Variants in DOK7 observed in about 807,000 individuals in gnomAD.
DOK7 encodes the protein protein Dok-7.
DOK7 carries 32 observed loss-of-function variants against 30.7 expected under a neutral mutation model. That is an observed-to-expected ratio of 1.04 (90% CI 0.79 to 1.40). DOK7 has a LOEUF of 1.40. DOK7 is among the 40% of genes most tolerant of loss of function. The pLI is 0.00. For missense variants in DOK7, 1,007 were observed against 699.2 expected, an observed-to-expected ratio of 1.44 and a Z score of -4.97; for synonymous variants, 447 against 324.1, an observed-to-expected ratio of 1.38 and a Z score of -4.07.
In DOK7 at chr4:3,493,400, G is replaced by A. The variant is rs1442193791; in HGVS notation, c.1414G>A (p.Gly472Ser). ...SEATLPGPAP[G>S]EPWEAGGPHA... ...GGCCACACTGCCTGGCCCTGCCCCT[G>A]GCGAGCCCTGGGAAGCAGGCGGCCC... is the stretch of plus-strand genomic sequence containing the variant. The change falls in exon 7 of 7, where the codon GGC (glycine) becomes AGC (serine). Residue 472 changes from glycine (G) to serine (S), a missense_variant. Transcript: ENST00000340083. 3 of 1,595,478 alleles carry A rather than the reference G, an allele frequency of 1.9e-6. No homozygotes were observed. Among genetic ancestry groups the A allele is most frequent in the Non-Finnish European group, 2.6e-6 (3 of 1,171,462 alleles).
chr4:3,490,309 CG>C (rs71636721), intron 6 of DOK7, among the ~76,000 whole-genome samples: 5 of 100,350 alleles, frequency 5.0e-5, no homozygotes, highest in African/African-American at 1.4e-4. Flanking sequence ...TCCGCCCCCC[CG>C]GCTCATTCTT....
intron 2 of DOK7, among the ~76,000 whole-genome samples, chr4:3,470,515 C>G (rs919861724): frequency 6.6e-6 from 1 of 152,128 alleles, no homozygotes; most frequent in Non-Finnish European, 1.5e-5. Flanking sequence ...GTCTGAGGGT[C>G]GAGCGTGGGT....
intron 4 of DOK7, among the ~76,000 whole-genome samples, chr4:3,476,905 G>A (rs1047853645): frequency 2.6e-5 from 4 of 152,252 alleles, no homozygotes; most frequent in South Asian, 2.1e-4. Flanking sequence ...GTGAGCTCCC[G>A]CATAAGCACC....
At position 3,493,250 on chromosome 4, in the gene DOK7, T is replaced by C. The variant is rs750548816; in HGVS notation, c.1264T>C (p.Ser422Pro). The change falls in exon 7 of 7, where the codon TCA becomes CCA. Residue 422 changes from serine to proline, a missense_variant. Physicochemically the swap from Ser to Pro is moderately conservative, Grantham distance 74. Transcript: ENST00000340083. ...GGCTCCTAGAGACCACAGCCCCCCC[T>C]CACAGGGCAGCCCCGGCAACAGTGC... ...CLAPRDHSPP[S>P]QGSPGNSAAR... is the part of the protein sequence containing the mutation. 1.2e-6 allele frequency: 2 copies of C among 1,611,732 alleles called. No individual in the cohort carries two copies. Among genetic ancestry groups the C allele is most frequent in the Non-Finnish European group, 1.7e-6 (2 of 1,179,588 alleles).
At position 3,489,958 on chromosome 4, in the gene DOK7, G is replaced by A. The variant is rs573370239; in HGVS notation, c.772+162G>A. The stretch of plus-strand genomic sequence containing the variant: ...CATTCTTCCCCCAACTCCCCGCCCC[G>A]CCCGCTACTCATTCATCCTTCCTTC... On this transcript the variant is annotated intron_variant, in intron 6 of 6. Transcript: ENST00000340083. Among the ~76,000 whole-genome samples, 81 of 57,054 alleles carry A rather than the reference G, an allele frequency of 1.4e-3. 1 individual carries two copies. The highest frequency in any genetic ancestry group is 2.7e-3 in the Admixed American group (19 of 7,056). 37.4% of individuals were successfully genotyped at this position (57,054 alleles called of 152,430 possible).
In DOK7 at chr4:3,485,662, C is replaced by T. The variant is rs374675986; in HGVS notation, c.652+4C>T. 1.2e-5 allele frequency: 19 copies of T among 1,569,308 alleles called. No individual in the cohort carries two copies. The highest frequency in any genetic ancestry group is 4.7e-5 in the South Asian group (4 of 85,154). ...GGGCTGCGGCCGGTTCTACCAGGTG[C>T]GTGTGGGAGCCTGGCCGGCCGGGGA... On this transcript the variant is annotated splice_donor_region_variant and intron_variant, in intron 5 of 6. Transcript: ENST00000340083.
At chr4:3,494,525 G>C, downstream of DOK7, 2 of 985,558 alleles carry the variant, frequency 2.0e-6, no homozygotes, top group Non-Finnish European at 2.4e-6. Context: ...CCGCCTCCTC[G>C]CCCACCCTCC....
chr4:3,496,830 C>A (rs772911832), downstream of DOK7: 2 of 1,535,652 alleles, frequency 1.3e-6, no homozygotes, highest in African/African-American at 2.7e-5. Context: ...GGAGCGGCAG[C>A]CTCAGCCCCA....
At chr4:3,463,766 C>G (rs1404418388) in intron 2 of DOK7, among the ~76,000 whole-genome samples, 1 of 152,182 alleles carries the variant, frequency 6.6e-6, no homozygotes, top group Non-Finnish European at 1.5e-5. Context: ...CAGACTGAGG[C>G]CCGAGGGGCT....
At chr4:3,468,303 C>T (rs1476693841) in intron 2 of DOK7, among the ~76,000 whole-genome samples, 2 of 149,398 alleles carry the variant, frequency 1.3e-5, no homozygotes, top group Non-Finnish European at 3.0e-5. Flanking sequence ...CACGTGTGCA[C>T]ATGCGTGTGA....
At chr4:3,483,018 T>C (rs1727526699) in intron 4 of DOK7, among the ~76,000 whole-genome samples, 1 of 149,716 alleles carries the variant, frequency 6.7e-6, no homozygotes, top group South Asian at 2.1e-4. Flanking sequence ...GGTGTCGTTA[T>C]GTGGCCTGAG....
chr4:3,489,695 C>A lies in DOK7; in HGVS notation c.671C>A (p.Pro224His). 6.4e-7 allele frequency: 1 copy of A among 1,564,738 alleles called. No individual in the cohort carries two copies. Among genetic ancestry groups the A allele is most frequent in the Non-Finnish European group, 8.7e-7 (1 of 1,154,792 alleles). The change falls in exon 6 of 7, where the codon CCC (proline) becomes CAC (histidine). Residue 224 changes from proline to histidine, a missense_variant. By Grantham distance (77) the Pro-to-His change is moderately conservative. Coordinates refer to ENST00000340083, the MANE Select transcript of DOK7 (RefSeq NM_173660.5). ...PVLPDPSPPG[P>H]STVEERVAQE... ...GCCACAGACCCAAGTCCCCCGGGACCCTCGACTGTGGAGGAGCGTGTGGCC... is the reference window on the plus strand; with the variant it reads ...GCCACAGACCCAAGTCCCCCGGGACACTCGACTGTGGAGGAGCGTGTGGCC...
rs1728764454 is a variant in DOK7, at chr4:3,494,281, G to A, written c.*780G>A. 1.0e-6 allele frequency: 1 copy of A among 985,610 alleles called. No homozygotes were observed. The highest frequency in any genetic ancestry group is 1.2e-6 in the Non-Finnish European group (1 of 830,054). The allele number at this position is 985,610 out of a possible 1,614,324, so 61.1% of individuals were successfully genotyped here. On this transcript the variant is annotated 3_prime_UTR_variant, in exon 7 of 7. Transcript: ENST00000340083. ...CTTGGCCTGTGTTTCCCCTGGCCCA[G>A]GCCTCAGCCCCTGCGTCGGAGGTGG...
At position 3,494,208 on chromosome 4, in the gene DOK7, G is replaced by C. The variant is rs963124348; in HGVS notation, c.*707G>C. 6.6e-5 allele frequency: 65 copies of C among 985,454 alleles called. No homozygotes were observed. Among genetic ancestry groups the C allele is most frequent in the South Asian group, 1.9e-4 (4 of 21,302 alleles). 61.0% of individuals were successfully genotyped at this position (985,454 alleles called of 1,614,324 possible). A position where few individuals can be genotyped will look rare whatever the true frequency, so the allele number is the denominator to read the frequency against. ...GCGCCGTGCCTCGGGCCCCTGGTGG[G>C]AGCTCTGCTGGCTCCTGTCTGAACC... On this transcript the variant is annotated 3_prime_UTR_variant, in exon 7 of 7. Coordinates refer to ENST00000340083, the MANE Select transcript of DOK7 (RefSeq NM_173660.5).
intron 2 of DOK7, among the ~76,000 whole-genome samples, chr4:3,471,277 G>T (rs1397653934): frequency 6.6e-6 from 1 of 152,254 alleles, no homozygotes; most frequent in Non-Finnish European, 1.5e-5. Context: ...ATTGCTGCAG[G>T]TGGGGGTGCC....
At chr4:3,496,905 G>T, downstream of DOK7, 2 of 1,530,664 alleles carry the variant, frequency 1.3e-6, no homozygotes, top group Non-Finnish European at 1.7e-6. Flanking sequence ...GGGACAGGAA[G>T]GCGGGAGTCT....
At chr4:3,500,685 C>G in intron 7 of DOK7, 1 of 1,535,826 alleles carries the variant, frequency 6.5e-7, no homozygotes, top group Non-Finnish European at 8.7e-7. Context: ...CTACAGAATT[C>G]TTTCAGGGGC....
chr4:3,484,818 G>A (rs775391137), intron 4 of DOK7: 1 of 985,510 alleles, frequency 1.0e-6, no homozygotes, highest in Non-Finnish European at 1.2e-6. Context: ...CTGGCCAGCA[G>A]TGACGGCTGC....
At chr4:3,497,189 G>T (rs1241563445), downstream of DOK7, among the ~76,000 whole-genome samples, 3 of 151,950 alleles carry the variant, frequency 2.0e-5, no homozygotes, top group African/African-American at 7.3e-5. Flanking sequence ...ACAGACTGGG[G>T]TCCACGGGTC....
Sources: allele counts gnomAD v4.1 joint callset (sites outside exome capture counted in the v4.1 genomes callset), GRCh38; gene constraint gnomAD v4.1.1; transcripts MANE v1.5; gene names NCBI Gene and HGNC (gene_info 2026-07-23, HGNC 2026-07-21).